Variants in CLEC2B observed in about 807,000 individuals in gnomAD.
CLEC2B encodes the protein C-type lectin domain family 2 member B.
CLEC2B carries 14 observed loss-of-function variants against 16.2 expected under a neutral mutation model. That is an observed-to-expected ratio of 0.86 (90% CI 0.57 to 1.35). The LOEUF is 1.35. CLEC2B is among the 40% of genes most tolerant of loss of function. The pLI, the probability that CLEC2B is intolerant of heterozygous loss-of-function variation, is 0.00. For synonymous variants in CLEC2B, 42 were observed against 55.8 expected (o/e 0.75, Z 1.10); for missense variants, 166 against 182.3 (o/e 0.91, Z 0.52).
At chr12:9,864,877 T>A (rs1436365654) in intron 1 of CLEC2B, among the ~76,000 whole-genome samples, 2 of 151,968 alleles carry the variant, frequency 1.3e-5, no homozygotes, top group African/African-American at 4.8e-5. Flanking sequence ...AACTCAACTC[T>A]CCAATTAAAA....
rs73247311 is a variant in CLEC2B, at chr12:9,863,972, C to T, written c.-2-1399G>A. ...AGGTCAGAGAACACCAAACAGATTC[C>T]GACCCCAACAAGACTACCCCTAGGC... On this transcript the variant is annotated intron_variant, in intron 1 of 4. Transcript: ENST00000228438. Among the ~76,000 whole-genome samples, 190 of 151,836 alleles carry T rather than the reference C, an allele frequency of 1.3e-3. 1 individual carries two copies. Among genetic ancestry groups the T allele is most frequent in the African/African-American group, 4.0e-3 (164 of 41,410 alleles).
At chr12:9,863,081 C>T (rs1222778648) in intron 1 of CLEC2B, among the ~76,000 whole-genome samples, 1 of 152,128 alleles carries the variant, frequency 6.6e-6, no homozygotes, top group African/African-American at 2.4e-5. Flanking sequence ...GAGTGGCTGT[C>T]GAGCAGCATC....
chr12:9,861,475 A>T (rs1867932455), intron 2 of CLEC2B, among the ~76,000 whole-genome samples: 2 of 152,256 alleles, frequency 1.3e-5, no homozygotes, highest in Middle Eastern at 3.4e-3. Flanking sequence ...TTCTGCTGAG[A>T]TTATCTACAT....
chr12:9,865,692 T>G (rs1015801524), intron 1 of CLEC2B, among the ~76,000 whole-genome samples: 1 of 152,194 alleles, frequency 6.6e-6, no homozygotes, highest in Non-Finnish European at 1.5e-5. Context: ...GAAGCACTGC[T>G]GCAGAATACT....
At position 9,856,350 on chromosome 12, in the gene CLEC2B, A is replaced by C. The variant is rs529978117; in HGVS notation, c.237+1124T>G. On this transcript the variant is annotated intron_variant, in intron 3 of 4. Coordinates refer to ENST00000228438, the MANE Select transcript of CLEC2B (RefSeq NM_005127.3). ...GTTTCTCAGAATGTTCATTTTCAAA[A>C]GTCTTGCAAAATTCAGCAGTGACGT... Among the ~76,000 whole-genome samples the C allele has an allele frequency of 3.9e-5, 6 of 152,206 alleles. 2 individuals carry two copies. Among genetic ancestry groups the C allele is most frequent in the African/African-American group, 1.4e-4 (6 of 41,572 alleles).
rs540225841 is a variant in CLEC2B at position 9,856,187 on chromosome 12, A to G, written c.237+1287T>C. Among the ~76,000 whole-genome samples the G allele has an allele frequency of 3.4e-4, 51 of 152,190 alleles. No homozygotes were observed. The South Asian group carries it at 0.01, about 30-fold the overall frequency. On this transcript the variant is annotated intron_variant, in intron 3 of 4. Coordinates refer to ENST00000228438, the MANE Select transcript of CLEC2B (RefSeq NM_005127.3). ...GTCAATCTTTGCTGACAATATTCCT[A>G]TAGTGGACACATTTATTTTAATATT...
chr12:9,854,965 C>G (rs1448329298), intron 3 of CLEC2B: 1 of 156,952 alleles, frequency 6.4e-6, no homozygotes, highest in East Asian at 1.9e-4. Flanking sequence ...TCTTTAGAAC[C>G]TAATTATCAA....
chr12:9,865,180 CAAAAA>C lies in CLEC2B; in HGVS notation c.-2-2612_-2-2608del, dbSNP rs56774558. Among the ~76,000 whole-genome samples, 148 of 99,082 alleles carry C rather than the reference CAAAAA, an allele frequency of 1.5e-3. 2 individuals carry two copies. Among genetic ancestry groups the C allele is most frequent in the East Asian group, 8.6e-3 (31 of 3,608 alleles). The allele number at this position is 99,082 out of a possible 152,430, so 65.0% of individuals were successfully genotyped here. ...CCTGGGCAATAAAGCAAGACTCTCT[CAAAAA>C]AAAAAAAAAAAAAAAAGCATAAAGT... On this transcript the variant is annotated intron_variant, in intron 1 of 4. Transcript: ENST00000228438.
Position 9,852,380 on chromosome 12 carries a change from A to C in CLEC2B, c.*920T>G, listed in dbSNP as rs532031010. 3.9e-5 allele frequency among the ~76,000 whole-genome samples: 6 copies of C among 152,330 alleles called. No individual in the cohort carries two copies. The South Asian group carries it at 1.0e-3, about 26-fold the overall frequency. Reference sequence around the variant, plus strand: ...ACAACAAAGTTACGTATTGTTTTGAAAGAAAGTTTATTGGCCCTAGTAAAG... The same window carrying C: ...ACAACAAAGTTACGTATTGTTTTGACAGAAAGTTTATTGGCCCTAGTAAAG... On this transcript the variant is annotated 3_prime_UTR_variant, in exon 5 of 5. Transcript: ENST00000228438.
chr12:9,867,487 G>A (rs1867979570), intron 1 of CLEC2B, among the ~76,000 whole-genome samples: 1 of 152,010 alleles, frequency 6.6e-6, no homozygotes, highest in African/African-American at 2.4e-5. Flanking sequence ...TAATTTCCCA[G>A]AATCTTTTCA....
rs1867862929 is a variant in CLEC2B, at chr12:9,853,113, A to AGAAAGAAAGAG, written c.*186_*187insCTCTTTCTTTC. 4 of 408,874 alleles carry AGAAAGAAAGAG rather than the reference A, an allele frequency of 9.8e-6. No individual in the cohort carries two copies. Among genetic ancestry groups the AGAAAGAAAGAG allele is most frequent in the East Asian group, 3.7e-5 (1 of 26,780 alleles). 25.3% of individuals were successfully genotyped at this position (408,874 alleles called of 1,614,324 possible). ...AGAGAGAGAAAGAAAGAAAGAAAAAAACTCAGCAGAATACCTGTAACCATT... is the reference window on the plus strand; with the variant it reads ...AGAGAGAGAAAGAAAGAAAGAAAAAAGAAAGAAAGAGACTCAGCAGAATACCTGTAACCATT... On this transcript the variant is annotated 3_prime_UTR_variant, in exon 5 of 5. Coordinates refer to ENST00000228438, the MANE Select transcript of CLEC2B (RefSeq NM_005127.3).
Position 9,852,677 on chromosome 12 carries a change from T to A in CLEC2B, c.*623A>T, listed in dbSNP as rs1050987830. Among the ~76,000 whole-genome samples, 2 of 152,160 alleles carry A rather than the reference T, an allele frequency of 1.3e-5. No homozygotes were observed. The highest frequency in any genetic ancestry group is 4.8e-5 in the African/African-American group (2 of 41,444). ...TCAACTTGTACAGATCAAAGAAAGT[T>A]TAATTTTCTTTTGGGTAAAGCCAGT... is the stretch of plus-strand genomic sequence containing the variant. On this transcript the variant is annotated 3_prime_UTR_variant, in exon 5 of 5. Coordinates refer to ENST00000228438, the MANE Select transcript of CLEC2B (RefSeq NM_005127.3).
At chr12:9,854,079 A>G (rs1389808949) in intron 4 of CLEC2B, among the ~76,000 whole-genome samples, 1 of 152,208 alleles carries the variant, frequency 6.6e-6, no homozygotes, top group East Asian at 1.9e-4. Flanking sequence ...AAGAAGAGTC[A>G]TATAATTGGA....
intron 2 of CLEC2B, among the ~76,000 whole-genome samples, chr12:9,861,521 T>C (rs1867932839): frequency 6.6e-6 from 1 of 152,158 alleles, no homozygotes; most frequent in Admixed American, 6.6e-5. Context: ...TCTATGCGTA[T>C]TCTGTGCTTA....
intron 3 of CLEC2B, chr12:9,857,217 A>T (rs542331596): frequency 3.6e-6 from 1 of 279,502 alleles, no homozygotes; most frequent in East Asian, 7.5e-5. Flanking sequence ...GTTTTCAAAC[A>T]TTATCAAGCT....
intron 2 of CLEC2B, among the ~76,000 whole-genome samples, chr12:9,858,784 T>A (rs529569639): frequency 1.3e-5 from 2 of 151,928 alleles, no homozygotes; most frequent in South Asian, 4.2e-4. Flanking sequence ...CTGTCTAATA[T>A]AAATTAGTGT....
chr12:9,859,551 T>G (rs188742358), intron 2 of CLEC2B, among the ~76,000 whole-genome samples: 66 of 151,914 alleles, frequency 4.3e-4, no homozygotes, highest in African/African-American at 1.4e-3. Flanking sequence ...AAATTAAATC[T>G]TTAACTTAAA....
chr12:9,855,265 C>T (rs1018901771), intron 3 of CLEC2B, among the ~76,000 whole-genome samples: 4 of 152,014 alleles, frequency 2.6e-5, no homozygotes, highest in Admixed American at 1.3e-4. Flanking sequence ...ATCCTATCTA[C>T]CCCAACAGTG....
intron 2 of CLEC2B, among the ~76,000 whole-genome samples, chr12:9,858,815 G>A (rs966701282): frequency 4.7e-4 from 72 of 151,888 alleles, no homozygotes; most frequent in African/African-American, 1.7e-3. Flanking sequence ...CTTAGATAAT[G>A]CTAGGATTTC....
Sources: gnomAD v4.1 joint callset for allele counts (sites outside exome capture counted in the v4.1 genomes callset) on GRCh38, gnomAD v4.1.1 for gene constraint, MANE v1.5 for transcripts, NCBI Gene and HGNC (gene_info 2026-07-23, HGNC 2026-07-21) for gene names.